NOP2: variants seen among roughly 807,000 people sequenced by gnomAD.
NOP2 encodes 28S rRNA (cytosine(4447)-C(5))-methyltransferase.
In NOP2, 7 loss-of-function variants were observed where a neutral mutation model predicts 72.7. The observed-to-expected ratio is 0.10, with a 90% confidence interval of 0.05 to 0.18. The LOEUF (loss-of-function observed/expected upper bound fraction) is 0.18. NOP2 is among the 10% of genes least tolerant of loss of function. NOP2 has a pLI of 1.00. For synonymous variants in NOP2, 387 were observed against 388.0 expected, an observed-to-expected ratio of 1.00 and a Z score of 0.03; for missense variants, 954 against 1,014.7, an observed-to-expected ratio of 0.94 and a Z score of 0.81.
At position 6,557,471 on chromosome 12, in the gene NOP2, G is replaced by A; in HGVS notation, c.1961C>T (p.Ser654Phe). ...GGACAATTCTGAGTCTGCCCCTTTG[G>A]AGATGCCATTCAGCTTCTGGAAGGA... ...KASFQKLNGI[S>F]KGADSELSTV... Residue 654 changes from serine to phenylalanine, a missense_variant, in exon 16 of 16, where the codon TCC becomes TTC. Physicochemically the swap from Ser to Phe is radical, Grantham distance 155. Around this residue, in one of 3 missense-constraint regions of NOP2, gnomAD observed 269 missense variants for 260.2 expected, o/e 1.03. Transcript: ENST00000322166. The A allele has an allele frequency of 1.9e-6, 3 of 1,613,980 alleles. No homozygotes were observed. Among genetic ancestry groups the A allele is most frequent in the Non-Finnish European group, 2.5e-6 (3 of 1,179,898 alleles).
rs1233587825 is a variant in NOP2, at chr12:6,562,001, T to C, written c.979-30A>G. 2.6e-6 allele frequency: 4 copies of C among 1,527,710 alleles called. No individual in the cohort carries two copies. In the African/African-American group the frequency reaches 5.5e-5, roughly 21 times the overall value. 94.6% of individuals were successfully genotyped at this position (1,527,710 alleles called of 1,614,324 possible). ...AAAGGGATGAAGATTTTTTTTTTTT[T>C]TTTTTGAGATGGAGTCTCACTCTGT... On this transcript the variant is annotated intron_variant, in intron 9 of 15. Transcript: ENST00000322166.
rs1485600634 is a variant in NOP2, at chr12:6,560,734, C to T, written c.1401G>A (p.Gly467=). The T allele has an allele frequency of 5.0e-6, 8 of 1,613,390 alleles. No homozygotes were observed. The highest frequency in any genetic ancestry group is 6.8e-6 in the Non-Finnish European group (8 of 1,179,756). Residue 467 remains glycine (G), a synonymous_variant, in exon 13 of 16, where the codon GGG becomes GGA. Transcript: ENST00000322166. The surrounding 1 kb of genome is among the most constrained non-coding windows in gnomAD (Gnocchi z 5.0). ...VLLDAPCSGT[G]VISKDPAVKT... ...TCACGGCTGGATCCTTGGAGATGACCCCAGTGCCACTGCAGGGAGCATCCA... is the reference window on the plus strand; with the variant it reads ...TCACGGCTGGATCCTTGGAGATGACTCCAGTGCCACTGCAGGGAGCATCCA...
intron 5 of NOP2, among the ~76,000 whole-genome samples, chr12:6,565,394 G>A (rs938184677): frequency 1.3e-5 from 2 of 151,720 alleles, no homozygotes; most frequent in African/African-American, 2.4e-5. Flanking sequence ...AGGCTGGAGT[G>A]CAATGGCATG....
chr12:6,566,874 T>A, intron 2 of NOP2, 52 bp from the exon 3 acceptor site: 1 of 1,455,854 alleles, frequency 6.9e-7, no homozygotes, highest in Non-Finnish European at 9.5e-7. Context: ...ACATTAAAAA[T>A]AAATGGGAAC....
Position 6,560,377 on chromosome 12 carries a change from GAAGGGAGCTCT to G in NOP2, c.1560+59_1561-52del. 6.2e-7 allele frequency: 1 copy of G among 1,605,880 alleles called. No homozygotes were observed. ...CGGAGGAAAAAGCAGAGCTGGAGCTGAAGGGAGCTCTAAGGGGCAAAGAGCCCCCCAGCCCA... is the reference window on the plus strand; with the variant it reads ...CGGAGGAAAAAGCAGAGCTGGAGCTGAAGGGGCAAAGAGCCCCCCAGCCCA... On this transcript the variant is annotated intron_variant, in intron 14 of 15. Transcript: ENST00000322166. The surrounding 1 kb of genome is among the most constrained non-coding windows in gnomAD (Gnocchi z 5.0).
chr12:6,559,989 G>C, intron 15 of NOP2, 109 bp downstream of exon 15: 1 of 800,474 alleles, frequency 1.2e-6, no homozygotes, highest in Non-Finnish European at 2.0e-6. Flanking sequence ...AAAGGCTGGA[G>C]TAAGGGATGC....
At chr12:6,562,121 G>T in intron 9 of NOP2, 150 bp from the exon 10 acceptor site, 2 of 651,328 alleles carry the variant, frequency 3.1e-6, no homozygotes, top group African/African-American at 1.8e-5. Flanking sequence ...CTCCTGAGTA[G>T]CTGGGACAAC....
Position 6,560,574 on chromosome 12 carries a change from C to T in NOP2, c.1438-5G>A. ...GCGCAGGATGTCCTTCTCATCCTGT[C>T]CCAAAAAGAGACCCAAAGGCAGCCT... On this transcript the variant is annotated splice_region_variant and splice_polypyrimidine_tract_variant and intron_variant, in intron 13 of 15. Coordinates refer to ENST00000322166, the MANE Select transcript of NOP2 (RefSeq NM_001258308.2). This position sits in a 1 kb window ranked among gnomAD's most constrained non-coding sequence, Gnocchi z 5.0. The T allele has an allele frequency of 2.5e-6, 4 of 1,596,786 alleles. No homozygotes were observed. The highest frequency in any genetic ancestry group is 3.4e-6 in the Non-Finnish European group (4 of 1,169,636).
chr12:6,557,440 TAC>T lies in NOP2; in HGVS notation c.1990_1991del (p.Val664ThrfsTer15). ...AAGCTTGGGTCTTTGTGACAGAAGG[TAC>T]AGTGGACAATTCTGAGTCTGCCCCT... ...SKGADSELSTVPSVTKTQASS... is the reference protein window; with the variant it reads ...SKGADSELSTXPSVTKTQASS... On this transcript the variant is annotated frameshift_variant, in exon 16 of 16. Coordinates refer to ENST00000322166, the MANE Select transcript of NOP2 (RefSeq NM_001258308.2). LOFTEE classifies it low-confidence loss of function (END_TRUNC). The T allele has an allele frequency of 6.2e-6, 10 of 1,614,012 alleles. No homozygotes were observed. Among genetic ancestry groups the T allele is most frequent in the Non-Finnish European group, 8.5e-6 (10 of 1,179,888 alleles).
rs769336801 is a variant in NOP2 at position 6,563,111 on chromosome 12, G to A, written c.948C>T (p.Thr316=). 1.9e-6 allele frequency: 3 copies of A among 1,596,844 alleles called. No homozygotes were observed. Among genetic ancestry groups the A allele is most frequent in the Non-Finnish European group, 2.6e-6 (3 of 1,171,896 alleles). ...VPRPVTLRTN[T]LKTRRRDLAQ... Reference sequence around the variant, plus strand: ...CAAGGTCTCGGCGTCGGGTTTTCAAGGTATTGGTCCGGAGGGTGACGGGCC... The same window carrying A: ...CAAGGTCTCGGCGTCGGGTTTTCAAAGTATTGGTCCGGAGGGTGACGGGCC... Residue 316 remains threonine, a synonymous_variant, in exon 9 of 16, where the codon ACC becomes ACT. Transcript: ENST00000322166.
At position 6,560,746 on chromosome 12, in the gene NOP2, G is replaced by A; in HGVS notation, c.1389C>T (p.Cys463=). 6.2e-7 allele frequency: 1 copy of A among 1,613,540 alleles called. No individual in the cohort carries two copies. Among genetic ancestry groups the A allele is most frequent in the Non-Finnish European group, 8.5e-7 (1 of 1,179,710 alleles). The part of the protein sequence containing the change: ...GFDRVLLDAP[C]SGTGVISKDP... Reference sequence around the variant, plus strand: ...CCTTGGAGATGACCCCAGTGCCACTGCAGGGAGCATCCAGCAGTACTCGGT... The same window carrying A: ...CCTTGGAGATGACCCCAGTGCCACTACAGGGAGCATCCAGCAGTACTCGGT... Residue 463 remains cysteine, a synonymous_variant, in exon 13 of 16, where the codon TGC becomes TGT. Coordinates refer to ENST00000322166, the MANE Select transcript of NOP2 (RefSeq NM_001258308.2). The surrounding 1 kb of genome is among the most constrained non-coding windows in gnomAD (Gnocchi z 5.0).
chr12:6,563,783 T>A lies in NOP2; in HGVS notation c.531-12A>T. 1 of 1,613,054 alleles carries A rather than the reference T, an allele frequency of 6.2e-7. No homozygotes were observed. Among genetic ancestry groups the A allele is most frequent in the Non-Finnish European group, 8.5e-7 (1 of 1,179,474 alleles). On this transcript the variant is annotated splice_polypyrimidine_tract_variant and intron_variant, in intron 6 of 15. Transcript: ENST00000322166. ...CACTCCACTGGATCCTAGAAACAGG[T>A]CCAGGAACAGAGTGATTCACAGACC...
At chr12:6,561,096 G>T in intron 11 of NOP2, 26 bp from the exon 12 acceptor site, 1 of 1,611,496 alleles carries the variant, frequency 6.2e-7, no homozygotes, top group Non-Finnish European at 8.5e-7. Context: ...TAACAGTGCT[G>T]ATCAGCCAGT....
chr12:6,560,078 G>A lies in NOP2; in HGVS notation c.1789+20C>T. 6.4e-7 allele frequency: 1 copy of A among 1,567,784 alleles called. No homozygotes were observed. The highest frequency in any genetic ancestry group is 8.8e-7 in the Non-Finnish European group (1 of 1,138,044). On this transcript the variant is annotated intron_variant, in intron 15 of 15. Coordinates refer to ENST00000322166, the MANE Select transcript of NOP2 (RefSeq NM_001258308.2). This position sits in a 1 kb window ranked among gnomAD's most constrained non-coding sequence, Gnocchi z 5.0. ...GGAAAGAGCAAAGGTGGTGACGAAG[G>A]GAAGAAAAAGATTACTTACCTGTCT...
chr12:6,561,164 C>A, intron 11 of NOP2, 94 bp from the exon 12 acceptor site: 1 of 1,508,772 alleles, frequency 6.6e-7, no homozygotes, highest in Non-Finnish European at 9.0e-7. Flanking sequence ...TGAGAAGTGT[C>A]ATCACCTCAA....
chr12:6,566,654 G>A, intron 3 of NOP2, 37 bp from the exon 4 acceptor site: 2 of 1,604,454 alleles, frequency 1.2e-6, no homozygotes, highest in Non-Finnish European at 1.7e-6. Context: ...GTGAAGAAAT[G>A]GGAAGATACT....
chr12:6,563,265 T>C, intron 8 of NOP2, 50 bp downstream of exon 8: 2 of 1,553,118 alleles, frequency 1.3e-6, no homozygotes, highest in Non-Finnish European at 1.7e-6. Context: ...TTACACAGCG[T>C]AAGGAGGCGA....
Position 6,560,893 on chromosome 12 carries a change from CG to C in NOP2, c.1347+37del, listed in dbSNP as rs1565587876. On this transcript the variant is annotated intron_variant, in intron 12 of 15. Transcript: ENST00000322166. The surrounding 1 kb of genome is among the most constrained non-coding windows in gnomAD (Gnocchi z 5.0). Reference sequence around the variant, plus strand: ...GAGGTCAGGAAGGGAGAAGGTCAACCGGAAGAAGCCTCAGAAGACACACAGC... The same window carrying C: ...GAGGTCAGGAAGGGAGAAGGTCAACCGAAGAAGCCTCAGAAGACACACAGC... The C allele has an allele frequency of 6.2e-7, 1 of 1,612,578 alleles. No homozygotes were observed.
Position 6,557,587 on chromosome 12 carries a change from C to G in NOP2, c.1845G>C (p.Lys615Asn), listed in dbSNP as rs555766149. Residue 615 changes from lysine to asparagine, a missense_variant, in exon 16 of 16, where the codon AAG becomes AAC. Around this residue, in one of 3 missense-constraint regions of NOP2, gnomAD observed 269 missense variants for 260.2 expected, o/e 1.03. Transcript: ENST00000322166. ...TNVDLPQVIPKSENSSQPAKK... is the reference protein window; with the variant it reads ...TNVDLPQVIPNSENSSQPAKK... Reference sequence around the variant, plus strand: ...TGGCTGGCTGGCTGCTGTTCTCAGACTTGGGGATGACCTGAGGCAAGTCTA... The same window carrying G: ...TGGCTGGCTGGCTGCTGTTCTCAGAGTTGGGGATGACCTGAGGCAAGTCTA... 1 of 1,613,764 alleles carries G rather than the reference C, an allele frequency of 6.2e-7. No individual in the cohort carries two copies. The highest frequency in any genetic ancestry group is 2.2e-5 in the East Asian group (1 of 44,884).
Sources: allele counts gnomAD v4.1 joint callset (sites outside exome capture counted in the v4.1 genomes callset), GRCh38; gene constraint gnomAD v4.1.1; regional missense constraint gnomAD v4.1.1; non-coding constraint Gnocchi (gnomAD v3.1); transcripts MANE v1.5; gene names NCBI Gene and HGNC (gene_info 2026-07-23, HGNC 2026-07-21).